The following PDE11A variants were observed in gnomAD, a reference collection of about 807,000 sequenced individuals.
PDE11A encodes the protein phosphodiesterase 11A, also known as dual 3',5'-cyclic-AMP and -GMP phosphodiesterase 11A.
Under a neutral mutation model 100.5 loss-of-function variants are expected in PDE11A, and 100 were observed. The observed-to-expected ratio is 1.00, with a 90% CI of 0.85 to 1.18. The LOEUF (loss-of-function observed/expected upper bound fraction) is 1.18. Ranked by LOEUF, PDE11A falls within the 50% of genes most tolerant of loss-of-function variation. The pLI, the probability that PDE11A is intolerant of heterozygous loss-of-function variation, is 0.00. For synonymous variants in PDE11A, 381 were observed against 420.8 expected, an observed-to-expected ratio of 0.91 and a Z score of 1.16; for missense variants, 1,141 against 1,152.6, an observed-to-expected ratio of 0.99 and a Z score of 0.15.
intron 1 of PDE11A, among the ~76,000 whole-genome samples, chr2:178,059,216 C>T (rs996573525): frequency 6.6e-6 from 1 of 152,158 alleles, no homozygotes; most frequent in East Asian, 1.9e-4. Context: ...GGTCAATGAA[C>T]AGAGATACCT....
chr2:177,670,756 T>A (rs1461202787), intron 17 of PDE11A, among the ~76,000 whole-genome samples: 1 of 152,182 alleles, frequency 6.6e-6, no homozygotes, highest in Non-Finnish European at 1.5e-5. Flanking sequence ...TGAAACACAA[T>A]GCTAAACTCA....
chr2:178,060,922 G>A (rs1393823160), intron 1 of PDE11A, among the ~76,000 whole-genome samples: 2 of 146,694 alleles, frequency 1.4e-5, no homozygotes, highest in East Asian at 4.0e-4. Context: ...TGTTACATAA[G>A]CCATTGTAAA....
At chr2:177,948,181 A>G (rs1282971978) in intron 2 of PDE11A, among the ~76,000 whole-genome samples, 1 of 152,146 alleles carries the variant, frequency 6.6e-6, no homozygotes, top group Non-Finnish European at 1.5e-5. Flanking sequence ...ATTGGGATAT[A>G]TAGTTTATAT....
intron 2 of PDE11A, among the ~76,000 whole-genome samples, chr2:177,970,738 G>T (rs1033621347): frequency 6.6e-6 from 1 of 152,112 alleles, no homozygotes; most frequent in Admixed American, 6.5e-5. Flanking sequence ...AGAACATAAA[G>T]GAAAGCAGAA....
chr2:177,632,579 C>G (rs75413169), intron 19 of PDE11A, among the ~76,000 whole-genome samples: 3,967 of 152,280 alleles, frequency 0.026, 147 homozygotes, highest in African/African-American at 0.089. Context: ...CTATTTCATG[C>G]TCTGGGGGAC....
intron 1 of PDE11A, among the ~76,000 whole-genome samples, chr2:178,056,026 G>GA (rs927440629): frequency 4.6e-5 from 7 of 150,664 alleles, no homozygotes; most frequent in African/African-American, 1.2e-4. Context: ...TTTTAGTCAA[G>GA]AAAAAAAAAG....
At chr2:177,949,560 A>G (rs115359412) in intron 2 of PDE11A, among the ~76,000 whole-genome samples, 1,858 of 152,304 alleles carry the variant, frequency 0.012, 35 homozygotes, top group African/African-American at 0.041. Context: ...CTATTATAAA[A>G]TGGAGGTGAT....
At chr2:177,652,210 C>T (rs961567114) in intron 19 of PDE11A, among the ~76,000 whole-genome samples, 2 of 152,106 alleles carry the variant, frequency 1.3e-5, no homozygotes, top group African/African-American at 2.4e-5. Context: ...GTAACAGAGA[C>T]AGTGAATGTA....
At chr2:177,851,099 C>A (rs540437397) in intron 5 of PDE11A, among the ~76,000 whole-genome samples, 6 of 152,100 alleles carry the variant, frequency 3.9e-5, no homozygotes, top group East Asian at 1.9e-4. Flanking sequence ...ATGTTTATTG[C>A]GGCACTATTC....
At chr2:177,839,878 T>C (rs927397915) in intron 6 of PDE11A, among the ~76,000 whole-genome samples, 1 of 152,236 alleles carries the variant, frequency 6.6e-6, no homozygotes, top group African/African-American at 2.4e-5. Flanking sequence ...TGTGCCTAGA[T>C]AATTAACATT....
At chr2:177,634,390 C>CTCTT (rs1553529829) in intron 19 of PDE11A, among the ~76,000 whole-genome samples, 5 of 146,388 alleles carry the variant, frequency 3.4e-5, no homozygotes, top group African/African-American at 1.3e-4. Flanking sequence ...TTCTCTCTCT[C>CTCTT]TTTTTTTTTT....
At chr2:178,086,028 A>C (rs1281907328) in intron 2 of PDE11A, among the ~76,000 whole-genome samples, 1 of 152,190 alleles carries the variant, frequency 6.6e-6, no homozygotes, top group Non-Finnish European at 1.5e-5. Context: ...ACTGGACTGG[A>C]TGGATCACTC....
At chr2:177,808,170 GA>G (rs35102487) in intron 9 of PDE11A, among the ~76,000 whole-genome samples, 1 of 152,090 alleles carries the variant, frequency 6.6e-6, no homozygotes, top group Non-Finnish European at 1.5e-5. Context: ...GTAGGCAATG[GA>G]AAAAAATATT....
chr2:177,954,854 G>A (rs2085542794), intron 2 of PDE11A, among the ~76,000 whole-genome samples: 1 of 152,120 alleles, frequency 6.6e-6, no homozygotes, highest in African/African-American at 2.4e-5. Flanking sequence ...TGCAGCCAGG[G>A]TTGAGGAGCT....
chr2:177,766,202 C>G, intron 10 of PDE11A, among the ~76,000 whole-genome samples: 1 of 152,180 alleles, frequency 6.6e-6, no homozygotes. Context: ...CTCATATCAT[C>G]AGGCATTGGA....
At chr2:178,099,965 T>C (rs1222517834) in intron 2 of PDE11A, among the ~76,000 whole-genome samples, 1 of 152,178 alleles carries the variant, frequency 6.6e-6, no homozygotes. Context: ...ATAACATAAA[T>C]GAACCTTGAA....
intron 9 of PDE11A, among the ~76,000 whole-genome samples, chr2:177,794,250 C>A (rs1188666424): frequency 1.3e-5 from 2 of 152,112 alleles, no homozygotes; most frequent in Non-Finnish European, 2.9e-5. Context: ...GCAGAGAGAG[C>A]AAGCCGTGTG....
intron 2 of PDE11A, among the ~76,000 whole-genome samples, chr2:177,921,061 CAAA>C (rs34249286): frequency 1.1e-5 from 1 of 87,842 alleles, no homozygotes. Context: ...GACTCCATCT[CAAA>C]AAAAAAAAAA....
chr2:177,967,165 T>C (rs536875729), intron 2 of PDE11A, among the ~76,000 whole-genome samples: 44 of 151,794 alleles, frequency 2.9e-4, no homozygotes, highest in African/African-American at 9.7e-4. Flanking sequence ...GGGTGTTTTG[T>C]GTTTCTATGG....
Sources: gnomAD v4.1 joint callset for allele counts (sites outside exome capture counted in the v4.1 genomes callset) on GRCh38, gnomAD v4.1.1 for gene constraint, MANE v1.5 for transcripts, NCBI Gene and HGNC (gene_info 2026-07-23, HGNC 2026-07-21) for gene names.